SARNP: variants seen among roughly 807,000 people sequenced by gnomAD.
SARNP encodes SAP domain containing ribonucleoprotein, also known as SAP domain-containing ribonucleoprotein.
Under a neutral mutation model 38.1 loss-of-function variants are expected in SARNP, and 5 were observed. The observed-to-expected ratio is 0.13, with a 90% CI of 0.07 to 0.28. SARNP has a LOEUF of 0.28. SARNP is among the 10% of genes least tolerant of loss of function. SARNP has a pLI of 1.00. For synonymous variants in SARNP, 84 were observed against 80.6 expected, an observed-to-expected ratio of 1.04 and a Z score of -0.23; for missense variants, 180 against 243.9, an observed-to-expected ratio of 0.74 and a Z score of 1.75.
At chr12:55,765,163 G>A (rs1171502230) in intron 9 of SARNP, among the ~76,000 whole-genome samples, 3 of 152,202 alleles carry the variant, frequency 2.0e-5, no homozygotes, top group Non-Finnish European at 4.4e-5. Context: ...ACTTCAGCAA[G>A]TTCAAATCAC....
chr12:55,759,136 T>TC, intron 10 of SARNP, among the ~76,000 whole-genome samples: 1 of 152,192 alleles, frequency 6.6e-6, no homozygotes, highest in South Asian at 2.1e-4. Context: ...CCCACACTGC[T>TC]CTCCTAAAGT....
At chr12:55,774,883 GTTTTTTT>G (rs367957447) in intron 9 of SARNP, among the ~76,000 whole-genome samples, 3 of 110,746 alleles carry the variant, frequency 2.7e-5, no homozygotes, top group South Asian at 3.1e-4. Context: ...ATTTCTATTT[GTTTTTTT>G]TTTTTTTTTT....
chr12:55,791,783 G>C (rs1879677840), intron 7 of SARNP, among the ~76,000 whole-genome samples: 1 of 152,012 alleles, frequency 6.6e-6, no homozygotes, highest in African/African-American at 2.4e-5. Context: ...CAAGAAACTA[G>C]CCAATAATTA....
chr12:55,774,558 T>A (rs1445762770), intron 9 of SARNP, among the ~76,000 whole-genome samples: 1 of 40,488 alleles, frequency 2.5e-5, no homozygotes, highest in African/African-American at 4.5e-5. Flanking sequence ...CCGTCTCTAC[T>A]GAAAAAAAAA....
intron 4 of SARNP, among the ~76,000 whole-genome samples, chr12:55,798,567 C>T (rs1879885870): frequency 6.6e-6 from 1 of 152,092 alleles, no homozygotes; most frequent in Non-Finnish European, 1.5e-5. Flanking sequence ...CTCTGTGATG[C>T]AGCAAATCCA....
chr12:55,809,750 CA>C (rs56963700), intron 1 of SARNP, among the ~76,000 whole-genome samples: 23 of 142,662 alleles, frequency 1.6e-4, no homozygotes, highest in Admixed American at 4.1e-4. Flanking sequence ...TCTCAAAAAA[CA>C]AAAAAAAAAA....
chr12:55,808,237 A>T (rs1417795790), intron 1 of SARNP, among the ~76,000 whole-genome samples: 1 of 152,072 alleles, frequency 6.6e-6, no homozygotes, highest in Admixed American at 6.6e-5. Context: ...AGTCCCTGCA[A>T]GTTGGAAGGC....
At chr12:55,790,466 A>C (rs932556743) in intron 8 of SARNP, 101 bp downstream of exon 8, 2 of 1,277,600 alleles carry the variant, frequency 1.6e-6, no homozygotes, top group Non-Finnish European at 2.1e-6. Flanking sequence ...CAACAAATTA[A>C]TGTTCTCAGA....
chr12:55,769,840 T>C (rs1878953079), intron 9 of SARNP, among the ~76,000 whole-genome samples: 1 of 152,214 alleles, frequency 6.6e-6, no homozygotes, highest in African/African-American at 2.4e-5. Context: ...AACTGCAGAC[T>C]AATATAAGTG....
intron 9 of SARNP, among the ~76,000 whole-genome samples, chr12:55,772,114 T>C (rs545500314): frequency 1.3e-5 from 2 of 152,276 alleles, no homozygotes; most frequent in Admixed American, 1.3e-4. Context: ...CAAAAATCAA[T>C]GCACAGAGCT....
intron 9 of SARNP, among the ~76,000 whole-genome samples, chr12:55,765,558 T>C (rs1878804458): frequency 6.6e-6 from 1 of 151,832 alleles, no homozygotes; most frequent in South Asian, 2.1e-4. Flanking sequence ...TTGCCTAGAC[T>C]GGTTTCAAAC....
intron 9 of SARNP, 49 bp from the exon 10 acceptor site, chr12:55,760,689 C>A: frequency 8.2e-7 from 1 of 1,221,682 alleles, no homozygotes; most frequent in Non-Finnish European, 1.2e-6. Context: ...CTCCATTCAC[C>A]AAGTAAATGG....
chr12:55,778,239 A>C (rs1879239964), intron 9 of SARNP, among the ~76,000 whole-genome samples: 1 of 152,042 alleles, frequency 6.6e-6, no homozygotes, highest in Non-Finnish European at 1.5e-5. Context: ...CTCCACCTCC[A>C]CGGTTCAAGC....
At chr12:55,760,762 C>G (rs1012660281) in intron 9 of SARNP, 122 bp from the exon 10 acceptor site, 6 of 677,588 alleles carry the variant, frequency 8.9e-6, no homozygotes, top group African/African-American at 5.4e-5. Flanking sequence ...AACTAAGGAT[C>G]ACATAAAGAG....
intron 7 of SARNP, 126 bp downstream of exon 7, chr12:55,794,233 T>A (rs1565679478): frequency 1.2e-6 from 1 of 832,224 alleles, no homozygotes; most frequent in Non-Finnish European, 2.0e-6. Flanking sequence ...AGGAGATGAA[T>A]GTTACAATCT....
intron 9 of SARNP, among the ~76,000 whole-genome samples, chr12:55,762,957 C>T (rs1002102282): frequency 1.3e-5 from 2 of 152,168 alleles, no homozygotes; most frequent in African/African-American, 2.4e-5. Flanking sequence ...TTTTGCTGCA[C>T]CTGCTTTCTA....
downstream of SARNP, chr12:55,754,623 A>T (rs1044697830): frequency 1.3e-5 from 2 of 152,176 alleles, no homozygotes; most frequent in Non-Finnish European, 2.9e-5. Context: ...CCTAGCTAGA[A>T]CCTACTCAGG....
At chr12:55,795,791 C>G (rs1879802250) in intron 5 of SARNP, among the ~76,000 whole-genome samples, 1 of 152,170 alleles carries the variant, frequency 6.6e-6, no homozygotes, top group African/African-American at 2.4e-5. Context: ...CAAAGAGAGT[C>G]ACTGTTAAGA....
At chr12:55,816,387 CAA>C (rs1257829320) in intron 1 of SARNP, among the ~76,000 whole-genome samples, 1 of 152,038 alleles carries the variant, frequency 6.6e-6, no homozygotes, top group African/African-American at 2.4e-5. Context: ...CAATAAAGAT[CAA>C]GAGACCGCTG....
Sources: gnomAD v4.1 joint callset for allele counts (sites outside exome capture counted in the v4.1 genomes callset) on GRCh38, gnomAD v4.1.1 for gene constraint, MANE v1.5 for transcripts, NCBI Gene and HGNC (gene_info 2026-07-23, HGNC 2026-07-21) for gene names.